The following CDH4 variants were observed in gnomAD, a reference collection of about 807,000 sequenced individuals.
CDH4 encodes cadherin-4.
A neutral mutation model predicts 86.0 loss-of-function variants in CDH4; 33 were observed. The ratio of observed to expected loss-of-function variants is 0.38; its 90% confidence interval spans 0.29 to 0.51. The LOEUF (loss-of-function observed/expected upper bound fraction) is 0.51, where lower values mean the gene tolerates loss of function less well. Ranked by LOEUF, CDH4 falls within the 20% of genes least tolerant of loss-of-function variation. The probability of loss-of-function intolerance (pLI) is 0.86; values close to 1 mark genes in which losing one functional copy is unlikely to be tolerated. For synonymous variants in CDH4, 555 were observed against 549.4 expected (o/e 1.01, Z -0.14); for missense variants, 1,114 against 1,307.4 (o/e 0.85, Z 2.28).
chr20:61,664,417 G>A (rs2087299198), intron 2 of CDH4, among the ~76,000 whole-genome samples: 1 of 152,232 alleles, frequency 6.6e-6, no homozygotes, highest in Admixed American at 6.5e-5. Context: ...GGCATGGGGA[G>A]AGCTGGTCCC....
chr20:61,631,272 G>C (rs2086885680), intron 2 of CDH4, among the ~76,000 whole-genome samples: 1 of 152,228 alleles, frequency 6.6e-6, no homozygotes, highest in Non-Finnish European at 1.5e-5. Context: ...TGGGGACGCA[G>C]AGCTGTCCCG....
chr20:61,570,762 G>A (rs888760974), intron 2 of CDH4: 26 of 702,216 alleles, frequency 3.7e-5, no homozygotes, highest in Admixed American at 2.2e-4. Flanking sequence ...CTTGAGCCAC[G>A]GCTTGTGATG....
chr20:61,939,211 T>A lies in CDH4; in HGVS notation c.*2268T>A, dbSNP rs1228434666. 1.3e-5 allele frequency: 2 copies of A among 152,276 alleles called. No individual in the cohort carries two copies. The highest frequency in any genetic ancestry group is 3.8e-4 in the East Asian group (2 of 5,196). The allele number at this position is 152,276 out of a possible 1,614,324, so 9.4% of individuals were successfully genotyped here. A position where few individuals can be genotyped will look rare whatever the true frequency, so the allele number is the denominator to read the frequency against. On this transcript the variant is annotated 3_prime_UTR_variant, in exon 16 of 16. Transcript: ENST00000614565. Reference sequence around the variant, plus strand: ...GCCCGGGAGCCAGGGCAGCATGAACTCCTTTCTCTGAAATTTCGAGGCCTC... The same window carrying A: ...GCCCGGGAGCCAGGGCAGCATGAACACCTTTCTCTGAAATTTCGAGGCCTC...
chr20:61,456,719 G>A (rs1600692747), intron 2 of CDH4, among the ~76,000 whole-genome samples: 1 of 152,234 alleles, frequency 6.6e-6, no homozygotes, highest in East Asian at 1.9e-4. Context: ...GGGAGAGGCA[G>A]CTCCAGAGAG....
intron 4 of CDH4, among the ~76,000 whole-genome samples, chr20:61,822,169 C>T (rs546567966): frequency 1.3e-4 from 20 of 152,346 alleles, no homozygotes; most frequent in East Asian, 3.9e-4. Flanking sequence ...TGTGCTCTAA[C>T]GTACTGATGA....
intron 2 of CDH4, among the ~76,000 whole-genome samples, chr20:61,534,073 T>C (rs2085975780): frequency 6.6e-6 from 1 of 152,248 alleles, no homozygotes; most frequent in Non-Finnish European, 1.5e-5. Context: ...ATAGCATAAC[T>C]CAATTTCTAT....
intron 4 of CDH4, among the ~76,000 whole-genome samples, chr20:61,779,252 G>A (rs960923463): frequency 1.3e-5 from 2 of 152,204 alleles, no homozygotes; most frequent in Non-Finnish European, 1.5e-5. Context: ...TGAAGGTGAT[G>A]AGGGGGAACG....
chr20:61,865,364 T>A (rs999098045), intron 6 of CDH4, among the ~76,000 whole-genome samples: 1 of 151,182 alleles, frequency 6.6e-6, no homozygotes, highest in African/African-American at 2.4e-5. Context: ...GCTGGCTTCC[T>A]GAATGGTTAG....
At chr20:61,770,798 G>C (rs2088765352) in intron 3 of CDH4, among the ~76,000 whole-genome samples, 1 of 151,224 alleles carries the variant, frequency 6.6e-6, no homozygotes, top group African/African-American at 2.4e-5. Context: ...CAGGAGAATG[G>C]CATGAGCCCG....
chr20:61,555,577 G>A (rs2086171407), intron 2 of CDH4, among the ~76,000 whole-genome samples: 2 of 152,194 alleles, frequency 1.3e-5, no homozygotes, highest in Admixed American at 6.5e-5. Flanking sequence ...TTCTGGTTAT[G>A]TTCACCTCTG....
chr20:61,397,616 A>G (rs1232048984), intron 2 of CDH4, among the ~76,000 whole-genome samples: 2 of 152,202 alleles, frequency 1.3e-5, no homozygotes, highest in Non-Finnish European at 2.9e-5. Flanking sequence ...TCAGAATGGC[A>G]TAATCACATT....
intron 2 of CDH4, among the ~76,000 whole-genome samples, chr20:61,259,132 A>T (rs935739788): frequency 6.6e-6 from 1 of 152,228 alleles, no homozygotes; most frequent in Non-Finnish European, 1.5e-5. Context: ...GCTGTACCCG[A>T]AGCAGAGTTG....
At chr20:61,815,154 T>C (rs1453716533) in intron 4 of CDH4, among the ~76,000 whole-genome samples, 1 of 152,136 alleles carries the variant, frequency 6.6e-6, no homozygotes, top group Non-Finnish European at 1.5e-5. Flanking sequence ...TTGCAAGAGA[T>C]AGGACTGGGG....
At position 61,809,159 on chromosome 20, in the gene CDH4, G is replaced by A. The variant is rs565611784; in HGVS notation, c.577-35509G>A. On this transcript the variant is annotated intron_variant, in intron 4 of 15. Transcript: ENST00000614565. ...ATTAATCTATATGTGATCTGATTCC[G>A]CGAATCCGGGTGGTGTCCTTTTCTT... 1.2e-4 allele frequency among the ~76,000 whole-genome samples: 18 copies of A among 152,274 alleles called. No individual in the cohort carries two copies. In the South Asian group the frequency reaches 2.7e-3, roughly 23 times the overall value.
intron 2 of CDH4, among the ~76,000 whole-genome samples, chr20:61,395,598 G>A (rs532661639): frequency 6.6e-6 from 1 of 152,134 alleles, no homozygotes; most frequent in African/African-American, 2.4e-5. Flanking sequence ...TGGGCAACAT[G>A]GTGAGACCCC....
At position 61,732,557 on chromosome 20, in the gene CDH4, C is replaced by T. The variant is rs146053781; in HGVS notation, c.170-11006C>T. ...TTCCCTCTGCGGGGAATGCTCTTCC[C>T]TCAGGCACCAACACAGCCTTCCACC... On this transcript the variant is annotated intron_variant, in intron 2 of 15. Transcript: ENST00000614565. Among the ~76,000 whole-genome samples the T allele has an allele frequency of 1.9e-3, 296 of 152,296 alleles. 1 individual carries two copies. Among genetic ancestry groups the T allele is most frequent in the African/African-American group, 6.8e-3 (284 of 41,566 alleles).
chr20:61,805,468 G>A (rs146976310), intron 4 of CDH4, among the ~76,000 whole-genome samples: 92 of 152,284 alleles, frequency 6.0e-4, no homozygotes, highest in African/African-American at 1.9e-3. Context: ...CCACCTTTCC[G>A]GCCAGGCACA....
At chr20:61,601,641 G>A (rs2086601823) in intron 2 of CDH4, among the ~76,000 whole-genome samples, 1 of 152,324 alleles carries the variant, frequency 6.6e-6, no homozygotes, top group African/African-American at 2.4e-5. Flanking sequence ...CAGAGTCCAG[G>A]GGAGGGAAGG....
chr20:61,582,893 C>T lies in CDH4; in HGVS notation c.170-160670C>T, dbSNP rs1303881122. ...AGTCCATTTTAGAATGTTTTCATCG[C>T]CTCACAAAGAAACTCCACACCCTTG... On this transcript the variant is annotated intron_variant, in intron 2 of 15. Coordinates refer to ENST00000614565, the MANE Select transcript of CDH4 (RefSeq NM_001794.5). The surrounding 1 kb of genome is among the most constrained non-coding windows in gnomAD (Gnocchi z 4.2). 1.3e-5 allele frequency among the ~76,000 whole-genome samples: 2 copies of T among 152,186 alleles called. No individual in the cohort carries two copies. Among genetic ancestry groups the T allele is most frequent in the Non-Finnish European group, 1.5e-5 (1 of 68,038 alleles).
Sources: gnomAD v4.1 joint callset for allele counts (sites outside exome capture counted in the v4.1 genomes callset) on GRCh38, gnomAD v4.1.1 for gene constraint, Gnocchi (gnomAD v3.1) non-coding constraint, MANE v1.5 for transcripts, NCBI Gene and HGNC (gene_info 2026-07-23, HGNC 2026-07-21) for gene names.